GTF3C3: variants seen among roughly 807,000 people sequenced by gnomAD.
GTF3C3 encodes general transcription factor IIIC subunit 3, also known as general transcription factor 3C polypeptide 3.
GTF3C3 carries 75 observed loss-of-function variants against 105.2 expected under a neutral mutation model. The observed-to-expected ratio is 0.71, with a 90% confidence interval of 0.59 to 0.86. GTF3C3 has a LOEUF of 0.86. Among genes scored for constraint, GTF3C3 ranks in the 40% least tolerant of loss-of-function variants. GTF3C3 has a pLI of 0.00. For synonymous variants in GTF3C3, 335 were observed against 370.4 expected (o/e 0.90, Z 1.10); for missense variants, 856 against 1,076.5 (o/e 0.80, Z 2.87).
intron 2 of GTF3C3, among the ~76,000 whole-genome samples, chr2:196,796,425 G>C (rs1460555142): frequency 6.6e-6 from 1 of 152,124 alleles, no homozygotes; most frequent in East Asian, 1.9e-4. Flanking sequence ...TTAAACACCT[G>C]AGGAAAAAAG....
chr2:196,778,224 A>G (rs2125743455), intron 10 of GTF3C3: 1 of 152,326 alleles, frequency 6.6e-6, no homozygotes, highest in South Asian at 2.1e-4. Flanking sequence ...CTCAATAAGA[A>G]ACCCTATTAG....
chr2:196,783,822 C>T (rs1382939738), intron 8 of GTF3C3, among the ~76,000 whole-genome samples: 1 of 152,174 alleles, frequency 6.6e-6, no homozygotes, highest in African/African-American at 2.4e-5. Context: ...TTGAACGCCT[C>T]TTCCCGCCTC....
chr2:196,785,612 T>A, intron 6 of GTF3C3, 24 bp from the exon 7 acceptor site: 4 of 1,470,844 alleles, frequency 2.7e-6, no homozygotes, highest in Non-Finnish European at 3.8e-6. Flanking sequence ...GCAAAATGGA[T>A]GAATATTTAC....
At chr2:196,793,226 A>G in intron 2 of GTF3C3, 74 bp from the exon 3 acceptor site, 1 of 1,154,884 alleles carries the variant, frequency 8.7e-7, no homozygotes. Context: ...GTATTTTCTA[A>G]GTATAAATTT....
At chr2:196,768,113 G>A (rs1699102118) in intron 16 of GTF3C3, among the ~76,000 whole-genome samples, 1 of 152,114 alleles carries the variant, frequency 6.6e-6, no homozygotes. Flanking sequence ...CACCTCCTGG[G>A]TTCAAGCGAC....
chr2:196,782,508 A>G (rs571544812), intron 8 of GTF3C3, among the ~76,000 whole-genome samples: 4 of 152,370 alleles, frequency 2.6e-5, no homozygotes, highest in South Asian at 4.1e-4. Context: ...CCCTGCTTTC[A>G]TATCAAATCA....
Position 196,781,520 on chromosome 2 carries a change from T to C in GTF3C3, c.1115-858A>G, listed in dbSNP as rs183196236. Among the ~76,000 whole-genome samples, 5 of 150,926 alleles carry C rather than the reference T, an allele frequency of 3.3e-5. 1 individual carries two copies. Among genetic ancestry groups the C allele is most frequent in the East Asian group, 3.9e-4 (2 of 5,124 alleles). ...AATATTATAAGTAATCTAGAGATGA[T>C]TTAAAGTATACAGGAGAAGGTACAT... is the stretch of plus-strand genomic sequence containing the variant. On this transcript the variant is annotated intron_variant, in intron 8 of 17. Coordinates refer to ENST00000263956, the MANE Select transcript of GTF3C3 (RefSeq NM_012086.5).
chr2:196,765,838 G>GTCTC (rs1699055047), intron 17 of GTF3C3, among the ~76,000 whole-genome samples: 1 of 151,300 alleles, frequency 6.6e-6, no homozygotes, highest in Non-Finnish European at 1.5e-5. Flanking sequence ...GTGAAACCCC[G>GTCTC]TCTCTACTAA....
chr2:196,785,708 T>A (rs1201993526), intron 6 of GTF3C3, 120 bp from the exon 7 acceptor site: 2 of 634,804 alleles, frequency 3.2e-6, no homozygotes, highest in Non-Finnish European at 5.5e-6. Context: ...TTGAGAGGAA[T>A]GTGTATTTCC....
Position 196,776,617 on chromosome 2 carries a change from G to A in GTF3C3, c.1403C>T (p.Ala468Val). 6.2e-7 allele frequency: 1 copy of A among 1,611,264 alleles called. No homozygotes were observed. Among genetic ancestry groups the A allele is most frequent in the South Asian group, 1.1e-5 (1 of 90,884 alleles). ...VWLRHAECLK[A>V]LGYMERAAES... ...AGCAGCTCGCTCCATATAGCCTAAGGCCTTTAAACATTCTAAGATGATGTT... is the reference window on the plus strand; with the variant it reads ...AGCAGCTCGCTCCATATAGCCTAAGACCTTTAAACATTCTAAGATGATGTT... The change falls in exon 11 of 18, where the codon GCC becomes GTC. Residue 468 changes from alanine (A) to valine (V), a missense_variant. Transcript: ENST00000263956. The surrounding 1 kb of genome is among the most constrained non-coding windows in gnomAD (Gnocchi z 4.5).
intron 8 of GTF3C3, among the ~76,000 whole-genome samples, chr2:196,783,818 G>A (rs527583476): frequency 7.2e-5 from 11 of 152,138 alleles, no homozygotes; most frequent in East Asian, 5.8e-4. Flanking sequence ...TCATTTGAAC[G>A]CCTCTTCCCG....
rs1171577166 is a variant in GTF3C3, at chr2:196,779,057, G to C, written c.1229C>G (p.Thr410Arg). Residue 410 changes from threonine (T) to arginine (R), a missense_variant, in exon 10 of 18, where the codon ACA becomes AGA. This residue lies in a region of GTF3C3 where 605 missense variants were observed against 833.6 expected (regional missense o/e 0.73). Transcript: ENST00000263956. ...NILEPLNPLL[T>R]TLVEQNPEDM... ...TTCAGGATTCTGTTCTACTAGTGTTGTCAAGAGAGGCTAGACCACAAATAA... is the reference window on the plus strand; with the variant it reads ...TTCAGGATTCTGTTCTACTAGTGTTCTCAAGAGAGGCTAGACCACAAATAA... 12 of 1,612,682 alleles carry C rather than the reference G, an allele frequency of 7.4e-6. No individual in the cohort carries two copies. Among genetic ancestry groups the C allele is most frequent in the Non-Finnish European group, 8.5e-6 (10 of 1,179,058 alleles).
At position 196,768,078 on chromosome 2, in the gene GTF3C3, T is replaced by C. The variant is rs893813886; in HGVS notation, c.2386-1361A>G. On this transcript the variant is annotated intron_variant, in intron 16 of 17. Coordinates refer to ENST00000263956, the MANE Select transcript of GTF3C3 (RefSeq NM_012086.5). ...GCTCTATCACACAGGAGTGCAGTGG[T>C]GTGATCTCAGCTCATTGCAACCTCC... Among the ~76,000 whole-genome samples the C allele has an allele frequency of 3.3e-5, 5 of 152,212 alleles. No individual in the cohort carries two copies. The East Asian group carries it at 7.7e-4, about 23-fold the overall frequency.
At chr2:196,768,192 A>AT in intron 16 of GTF3C3, among the ~76,000 whole-genome samples, 1 of 151,972 alleles carries the variant, frequency 6.6e-6, no homozygotes, top group Non-Finnish European at 1.5e-5. Flanking sequence ...TCATTTTTGT[A>AT]TTTTTATTAA....
At chr2:196,777,714 T>A (rs1699282770) in intron 10 of GTF3C3, 2 of 152,238 alleles carry the variant, frequency 1.3e-5, no homozygotes, top group Admixed American at 6.5e-5. Context: ...TTATCTTTCT[T>A]ATATACTGAT....
chr2:196,782,470 T>C (rs531550882), intron 8 of GTF3C3, among the ~76,000 whole-genome samples: 58 of 152,354 alleles, frequency 3.8e-4, no homozygotes, highest in African/African-American at 1.3e-3. Flanking sequence ...CTTAAAAATA[T>C]AGTGTGTATA....
chr2:196,765,533 ATATATATAAATATG>A (rs921960786), intron 17 of GTF3C3, among the ~76,000 whole-genome samples: 84 of 150,634 alleles, frequency 5.6e-4, no homozygotes, highest in African/African-American at 1.9e-3. Flanking sequence ...ACATATAAAA[ATATATATAAATATG>A]TATATATGAA....
chr2:196,781,357 A>AAAATATATATATATAT, intron 8 of GTF3C3, among the ~76,000 whole-genome samples: 9 of 18,824 alleles, frequency 4.8e-4, no homozygotes, highest in Non-Finnish European at 1.2e-3. Context: ...AAAAAAAAAA[A>AAAATATATATATATAT]ATATATATAT....
chr2:196,788,459 G>A (rs927453697), intron 6 of GTF3C3, among the ~76,000 whole-genome samples: 1 of 152,190 alleles, frequency 6.6e-6, no homozygotes, highest in African/African-American at 2.4e-5. Flanking sequence ...ATATACCACA[G>A]TCAATAATGT....
Sources: gnomAD v4.1 joint callset for allele counts (sites outside exome capture counted in the v4.1 genomes callset) on GRCh38, gnomAD v4.1.1 for gene constraint, gnomAD v4.1.1 regional missense constraint, Gnocchi (gnomAD v3.1) non-coding constraint, MANE v1.5 for transcripts, NCBI Gene and HGNC (gene_info 2026-07-23, HGNC 2026-07-21) for gene names.